The following DST variants were observed in gnomAD, a reference collection of about 807,000 sequenced individuals.
DST encodes the protein dystonin.
A neutral mutation model predicts 875.2 loss-of-function variants in DST; 253 were observed. The observed-to-expected ratio is 0.29, with a 90% confidence interval of 0.26 to 0.32. The LOEUF is 0.32. Ranked by LOEUF, DST falls within the 10% of genes least tolerant of loss-of-function variation. The pLI is 1.00. For missense variants in DST, 8,287 were observed against 9,111.6 expected (o/e 0.91, Z 3.68); for synonymous variants, 3,124 against 3,197.1 (o/e 0.98, Z 0.77).
intron 4 of DST, among the ~76,000 whole-genome samples, chr6:56,763,679 AC>A (rs1431084236): frequency 1.6e-5 from 2 of 126,426 alleles, no homozygotes; most frequent in Non-Finnish European, 3.3e-5. Flanking sequence ...AAAAAAAAAT[AC>A]CTATACACAC....
chr6:56,672,773 T>C (rs2099108377), intron 9 of DST, among the ~76,000 whole-genome samples: 1 of 152,202 alleles, frequency 6.6e-6, no homozygotes, highest in African/African-American at 2.4e-5. Context: ...ACAGATGAGC[T>C]ATGTTATTGT....
chr6:56,558,898 A>G (rs1246320722), intron 58 of DST, among the ~76,000 whole-genome samples: 1 of 151,888 alleles, frequency 6.6e-6, no homozygotes, highest in African/African-American at 2.4e-5. Context: ...TTTACATTCC[A>G]TTGGATTTAC....
At chr6:56,630,785 C>CTTT in intron 30 of DST, among the ~76,000 whole-genome samples, 1 of 143,118 alleles carries the variant, frequency 7.0e-6, no homozygotes, top group South Asian at 2.3e-4. Flanking sequence ...TAATGTATTT[C>CTTT]TTTTTTTTTT....
At chr6:56,515,002 C>G (rs1054333716) in intron 72 of DST, among the ~76,000 whole-genome samples, 1 of 152,128 alleles carries the variant, frequency 6.6e-6, no homozygotes, top group Non-Finnish European at 1.5e-5. Flanking sequence ...CATAATATTG[C>G]TATTTTGACA....
chr6:56,602,581 A>G (rs1024993840), intron 43 of DST, among the ~76,000 whole-genome samples: 4 of 152,028 alleles, frequency 2.6e-5, no homozygotes, highest in Non-Finnish European at 1.5e-5. Flanking sequence ...GATGATTTTT[A>G]TATGGCTAAT....
chr6:56,645,359 A>G (rs2098936282), intron 15 of DST, among the ~76,000 whole-genome samples: 1 of 152,228 alleles, frequency 6.6e-6, no homozygotes, highest in South Asian at 2.1e-4. Context: ...TGATGATTTC[A>G]TGGAGTAAAT....
At chr6:56,772,958 G>C (rs1393270385) in intron 4 of DST, among the ~76,000 whole-genome samples, 1 of 152,062 alleles carries the variant, frequency 6.6e-6, no homozygotes, top group Non-Finnish European at 1.5e-5. Context: ...CCTCACTCTT[G>C]GTTTCTTGTT....
chr6:56,478,719 T>C (rs1582585848), intron 90 of DST, among the ~76,000 whole-genome samples: 1 of 152,136 alleles, frequency 6.6e-6, no homozygotes, highest in East Asian at 1.9e-4. Context: ...GATTACTTGA[T>C]TACACAATGA....
Position 56,578,862 on chromosome 6 carries a change from C to T in DST, c.12979G>A (p.Ala4327Thr). 1 of 1,610,968 alleles carries T rather than the reference C, an allele frequency of 6.2e-7. No individual in the cohort carries two copies. Among genetic ancestry groups the T allele is most frequent in the Non-Finnish European group, 8.5e-7 (1 of 1,178,566 alleles). The part of the protein sequence containing the change: ...LKKTAEVLLD[A>T]RGSLLPAKND... ...TTGGCTGGAAGTAAAGATCCCCTGGCATCTAAAAGCACTTCAGCCGTTTTC... is the reference window on the plus strand; with the variant it reads ...TTGGCTGGAAGTAAAGATCCCCTGGTATCTAAAAGCACTTCAGCCGTTTTC... The change falls in exon 50 of 104, where the codon GCC (alanine) becomes ACC (threonine). Residue 4327 changes from alanine to threonine, a missense_variant. Transcript: ENST00000680361.
intron 12 of DST, among the ~76,000 whole-genome samples, chr6:56,650,235 C>T (rs1442936092): frequency 6.9e-6 from 1 of 144,462 alleles, no homozygotes; most frequent in African/African-American, 2.6e-5. Context: ...GGCAGAAATC[C>T]AAGTGAAGGG....
At chr6:56,781,746 C>T (rs908507113) in intron 4 of DST, among the ~76,000 whole-genome samples, 1 of 152,092 alleles carries the variant, frequency 6.6e-6, no homozygotes, top group Non-Finnish European at 1.5e-5. Flanking sequence ...CTGGCCAGAA[C>T]TTTCAACACT....
chr6:56,758,352 TGTG>T (rs2099609221), intron 4 of DST, among the ~76,000 whole-genome samples: 1 of 152,088 alleles, frequency 6.6e-6, no homozygotes, highest in Non-Finnish European at 1.5e-5. Context: ...GGAATGCAGA[TGTG>T]GTGGTGAAAC....
intron 4 of DST, among the ~76,000 whole-genome samples, chr6:56,776,378 C>T (rs1005480485): frequency 6.6e-4 from 100 of 152,102 alleles, no homozygotes; most frequent in Non-Finnish European, 3.1e-4. Context: ...ACAAAAAGGA[C>T]GTTAGGGAAG....
Position 56,532,445 on chromosome 6 carries a change from T to A in DST, c.17007A>T (p.Lys5669Asn). ...TVEVIKREGE[K>N]IATTAEPADK... Reference sequence around the variant, plus strand: ...CTGCGGGCTCTGCTGTTGTAGCAATTTTTTCTCCTTCTCGTTTGATTACCT... The same window carrying A: ...CTGCGGGCTCTGCTGTTGTAGCAATATTTTCTCCTTCTCGTTTGATTACCT... The change falls in exon 64 of 104, where the codon AAA becomes AAT. Residue 5669 changes from lysine to asparagine, a missense_variant. This residue lies in a region of DST where 777 missense variants were observed against 764.8 expected (regional missense o/e 1.02). Transcript: ENST00000680361. 6.2e-7 allele frequency: 1 copy of A among 1,612,652 alleles called. No homozygotes were observed.
intron 4 of DST, 68 bp downstream of exon 4, chr6:56,851,329 A>C: frequency 1.4e-6 from 2 of 1,442,360 alleles, no homozygotes; most frequent in Non-Finnish European, 1.9e-6. Context: ...ATGGCCCCCC[A>C]GGAGGTAGAT....
chr6:56,932,389 G>A (rs1810815476), intron 2 of DST, among the ~76,000 whole-genome samples: 1 of 152,064 alleles, frequency 6.6e-6, no homozygotes, highest in Non-Finnish European at 1.5e-5. Context: ...TCTCAAGTTT[G>A]TCTTTATCAG....
chr6:56,943,723 G>A (rs944982471), intron 2 of DST, among the ~76,000 whole-genome samples: 16 of 151,400 alleles, frequency 1.1e-4, no homozygotes, highest in African/African-American at 2.2e-4. Context: ...ATGAGCCACC[G>A]CGCCCAGCCA....
At position 56,851,930 on chromosome 6, in the gene DST, A is replaced by G; in HGVS notation, c.418-326T>C. ...TGGCCCAACAATGAAGCCAGAATCA[A>G]CAGCCTTCCTGTTACAAACCTATAG... is the stretch of plus-strand genomic sequence containing the variant. On this transcript the variant is annotated intron_variant, in intron 3 of 103. Coordinates refer to ENST00000680361, the MANE Select transcript of DST (RefSeq NM_001374736.1). 5 of 1,532,422 alleles carry G rather than the reference A, an allele frequency of 3.3e-6. No individual in the cohort carries two copies. The South Asian group carries it at 6.2e-5, about 19-fold the overall frequency. The allele number at this position is 1,532,422 out of a possible 1,614,324, so 94.9% of individuals were successfully genotyped here. A position where few individuals can be genotyped will look rare whatever the true frequency, so the allele number is the denominator to read the frequency against.
intron 9 of DST, among the ~76,000 whole-genome samples, chr6:56,671,211 T>C (rs1217231240): frequency 6.6e-6 from 1 of 152,232 alleles, no homozygotes; most frequent in Non-Finnish European, 1.5e-5. Flanking sequence ...CTCTTTTTAC[T>C]AAACCAAAAC....
Sources: gnomAD v4.1 joint callset for allele counts (sites outside exome capture counted in the v4.1 genomes callset) on GRCh38, gnomAD v4.1.1 for gene constraint, gnomAD v4.1.1 regional missense constraint, MANE v1.5 for transcripts, NCBI Gene and HGNC (gene_info 2026-07-23, HGNC 2026-07-21) for gene names.